SGCZ: variants seen among roughly 807,000 people sequenced by gnomAD.
The protein encoded by SGCZ is zeta-sarcoglycan.
SGCZ carries 40 observed loss-of-function variants against 41.3 expected under a neutral mutation model. The ratio of observed to expected loss-of-function variants is 0.97; its 90% confidence interval spans 0.75 to 1.26. SGCZ has a LOEUF of 1.26. SGCZ is among the 50% of genes most tolerant of loss of function. The pLI is 0.00. For missense variants in SGCZ, 552 were observed against 369.8 expected, an observed-to-expected ratio of 1.49 and a Z score of -4.04; for synonymous variants, 206 against 137.5, an observed-to-expected ratio of 1.50 and a Z score of -3.49.
chr8:14,747,006 T>G (rs530738422), intron 1 of SGCZ, among the ~76,000 whole-genome samples: 1 of 152,332 alleles, frequency 6.6e-6, no homozygotes, highest in East Asian at 1.9e-4. Flanking sequence ...AGTAGCAGTT[T>G]TCCTGGGAAC....
chr8:14,460,436 G>T (rs1293604937), intron 2 of SGCZ, among the ~76,000 whole-genome samples: 1 of 152,104 alleles, frequency 6.6e-6, no homozygotes, highest in Non-Finnish European at 1.5e-5. Context: ...ATTAACTGGA[G>T]AGCAGTTTTC....
chr8:14,156,449 A>C (rs1803878636), intron 5 of SGCZ, among the ~76,000 whole-genome samples: 1 of 152,172 alleles, frequency 6.6e-6, no homozygotes, highest in Non-Finnish European at 1.5e-5. Context: ...TGACGGAGTG[A>C]GACTCCATCT....
intron 7 of SGCZ, among the ~76,000 whole-genome samples, chr8:14,093,250 C>T (rs1344564800): frequency 6.6e-6 from 1 of 151,648 alleles, no homozygotes; most frequent in Non-Finnish European, 1.5e-5. Context: ...TGATAGTCCC[C>T]TATCTGGCCT....
rs528402203 is a variant in SGCZ, at chr8:14,151,445, C to G, written c.547+13135G>C. Among the ~76,000 whole-genome samples, 204 of 147,194 alleles carry G rather than the reference C, an allele frequency of 1.4e-3. 2 individuals are homozygous for G. Among genetic ancestry groups the G allele is most frequent in the African/African-American group, 4.7e-3 (195 of 41,060 alleles). ...ATTCCTGAAAGATACCAAAAAAAAA[C>G]TAAGTAAGTGAAAAGACATAACATT... On this transcript the variant is annotated intron_variant, in intron 5 of 7. Transcript: ENST00000382080.
chr8:14,551,573 TATATATAATATATA>T (rs1803857107), intron 2 of SGCZ, among the ~76,000 whole-genome samples: 1 of 24,666 alleles, frequency 4.1e-5, no homozygotes, highest in Non-Finnish European at 6.3e-5. Flanking sequence ...ATATATAATA[TATATATAATATATA>T]TAATATATAT....
intron 2 of SGCZ, among the ~76,000 whole-genome samples, chr8:14,372,879 A>C (rs530013452): frequency 4.3e-4 from 66 of 152,084 alleles, no homozygotes; most frequent in African/African-American, 1.5e-3. Flanking sequence ...CGAGGGACTT[A>C]GTAGTTAATT....
At chr8:15,085,390 G>C (rs1300181958) in intron 1 of SGCZ, among the ~76,000 whole-genome samples, 1 of 152,164 alleles carries the variant, frequency 6.6e-6, no homozygotes, top group Non-Finnish European at 1.5e-5. Flanking sequence ...CACACGTGCT[G>C]AAATCTAAGA....
intron 3 of SGCZ, among the ~76,000 whole-genome samples, chr8:14,295,020 T>G (rs529473451): frequency 6.6e-6 from 1 of 152,294 alleles, no homozygotes; most frequent in South Asian, 2.1e-4. Flanking sequence ...AAACATTTTT[T>G]CAATTTCTTG....
intron 3 of SGCZ, among the ~76,000 whole-genome samples, chr8:14,239,473 T>C (rs1019998512): frequency 6.6e-6 from 1 of 152,172 alleles, no homozygotes; most frequent in Non-Finnish European, 1.5e-5. Context: ...TGATATAGCA[T>C]ACATGAGTTT....
intron 5 of SGCZ, among the ~76,000 whole-genome samples, chr8:14,162,939 T>C (rs1486957749): frequency 6.6e-6 from 1 of 152,222 alleles, no homozygotes. Flanking sequence ...GGCATGATCT[T>C]GGCTCATTGC....
At chr8:14,785,481 C>CAGT (rs1491314262) in intron 1 of SGCZ, among the ~76,000 whole-genome samples, 3 of 152,090 alleles carry the variant, frequency 2.0e-5, no homozygotes, top group Non-Finnish European at 4.4e-5. Flanking sequence ...AAATTAGTCT[C>CAGT]AGTGACTATC....
intron 1 of SGCZ, among the ~76,000 whole-genome samples, chr8:14,954,565 C>G (rs950673039): frequency 6.6e-6 from 1 of 152,156 alleles, no homozygotes; most frequent in African/African-American, 2.4e-5. Context: ...CACAGACTCT[C>G]TTTATCAATG....
chr8:14,631,137 G>A (rs1315774582), intron 1 of SGCZ, among the ~76,000 whole-genome samples: 2 of 151,934 alleles, frequency 1.3e-5, no homozygotes, highest in East Asian at 3.9e-4. Flanking sequence ...TGTAAGAAGA[G>A]TACTATTCAT....
intron 1 of SGCZ, among the ~76,000 whole-genome samples, chr8:14,622,730 T>C (rs1188671343): frequency 6.6e-6 from 1 of 152,200 alleles, no homozygotes; most frequent in Non-Finnish European, 1.5e-5. Flanking sequence ...GAGAATGGTG[T>C]AAAAATTGTA....
At chr8:14,248,935 T>A (rs2117201076) in intron 3 of SGCZ, among the ~76,000 whole-genome samples, 1 of 152,262 alleles carries the variant, frequency 6.6e-6, no homozygotes, top group South Asian at 2.1e-4. Flanking sequence ...TTACAAATAA[T>A]AATGGAATTA....
At chr8:14,474,900 T>A (rs1801314806) in intron 2 of SGCZ, among the ~76,000 whole-genome samples, 1 of 152,148 alleles carries the variant, frequency 6.6e-6, no homozygotes. Context: ...TTTGAAAAGG[T>A]CAAATCTGCT....
At chr8:14,290,035 G>A (rs939296413) in intron 3 of SGCZ, among the ~76,000 whole-genome samples, 3 of 151,884 alleles carry the variant, frequency 2.0e-5, no homozygotes, top group Non-Finnish European at 4.4e-5. Flanking sequence ...GAACAGCATG[G>A]AGGAAGCTGC....
intron 1 of SGCZ, among the ~76,000 whole-genome samples, chr8:14,930,123 G>C (rs906446818): frequency 6.6e-6 from 1 of 151,778 alleles, no homozygotes; most frequent in Non-Finnish European, 1.5e-5. Flanking sequence ...TTAAATGTAA[G>C]TTATTTGAAA....
intron 3 of SGCZ, among the ~76,000 whole-genome samples, chr8:14,255,804 C>T (rs539600864): frequency 6.6e-6 from 1 of 152,044 alleles, no homozygotes; most frequent in African/African-American, 2.4e-5. Flanking sequence ...AGAGATTTGG[C>T]ATAAAAATGT....
Sources: allele counts gnomAD v4.1 joint callset (sites outside exome capture counted in the v4.1 genomes callset), GRCh38; gene constraint gnomAD v4.1.1; transcripts MANE v1.5; gene names NCBI Gene and HGNC (gene_info 2026-07-23, HGNC 2026-07-21).